SBF2: variants seen among roughly 807,000 people sequenced by gnomAD.
The protein encoded by SBF2 is myotubularin-related protein 13.
In SBF2, 112 loss-of-function variants were observed where a neutral mutation model predicts 225.2. The ratio of observed to expected loss-of-function variants is 0.50; its 90% CI spans 0.43 to 0.58. The LOEUF is 0.58. Ranked by LOEUF, SBF2 falls within the 20% of genes least tolerant of loss-of-function variation. The pLI is 0.00. For missense variants in SBF2, 1,996 were observed against 2,206.2 expected (o/e 0.90, Z 1.91); for synonymous variants, 763 against 773.3 (o/e 0.99, Z 0.22).
chr11:9,819,118 A>T (rs1009370472), intron 28 of SBF2: 7 of 152,250 alleles, frequency 4.6e-5, no homozygotes, highest in African/African-American at 1.7e-4. Context: ...CAGAATGCAG[A>T]TGAGAATAAA....
At chr11:10,301,863 ATG>A (rs1302157996) in intron 1 of SBF2, among the ~76,000 whole-genome samples, 3 of 152,256 alleles carry the variant, frequency 2.0e-5, no homozygotes, top group Non-Finnish European at 4.4e-5. Flanking sequence ...GCATATGTGT[ATG>A]TGTGTCTCCC....
intron 6 of SBF2, among the ~76,000 whole-genome samples, chr11:10,005,992 C>T (rs1003765035): frequency 6.6e-5 from 10 of 152,076 alleles, no homozygotes; most frequent in African/African-American, 2.4e-4. Context: ...CAATGGCTCT[C>T]CTAGACAAGA....
intron 2 of SBF2, among the ~76,000 whole-genome samples, chr11:10,096,974 T>C (rs575175067): frequency 3.0e-4 from 46 of 152,342 alleles, no homozygotes; most frequent in African/African-American, 1.1e-3. Context: ...TCAGTCACTA[T>C]GACTTTCTCT....
At chr11:10,183,197 C>T (rs1206111707) in intron 2 of SBF2, among the ~76,000 whole-genome samples, 1 of 152,108 alleles carries the variant, frequency 6.6e-6, no homozygotes, top group Non-Finnish European at 1.5e-5. Context: ...AAAAATAACA[C>T]CTGAGTAAAC....
chr11:10,276,662 T>C (rs1962980931), intron 1 of SBF2, among the ~76,000 whole-genome samples: 1 of 152,192 alleles, frequency 6.6e-6, no homozygotes, highest in African/African-American at 2.4e-5. Flanking sequence ...CATGGACAAA[T>C]TATTTTACCT....
intron 2 of SBF2, among the ~76,000 whole-genome samples, chr11:10,133,644 C>T (rs1262185278): frequency 1.3e-5 from 2 of 149,402 alleles, no homozygotes; most frequent in South Asian, 2.1e-4. Context: ...TCCAGCTGGC[C>T]CGCAAGTGCC....
chr11:10,073,625 G>A (rs61878584), intron 2 of SBF2, among the ~76,000 whole-genome samples: 26,117 of 152,104 alleles, frequency 0.17, 2,433 homozygotes, highest in East Asian at 0.29. Context: ...GCTGAGGCAT[G>A]AGAATTGCCT....
intron 16 of SBF2, among the ~76,000 whole-genome samples, chr11:9,950,422 T>C (rs1030744216): frequency 3.3e-5 from 5 of 152,136 alleles, no homozygotes; most frequent in African/African-American, 1.2e-4. Context: ...GAAATGAACA[T>C]GAAAAAGTTT....
intron 16 of SBF2, among the ~76,000 whole-genome samples, chr11:9,922,741 C>A (rs982474142): frequency 2.6e-5 from 4 of 152,090 alleles, no homozygotes; most frequent in Admixed American, 1.3e-4. Context: ...AGAATGAGCT[C>A]GTTTTTTTCT....
chr11:9,787,661 G>C lies in SBF2; in HGVS notation c.5010C>G (p.Asp1670Glu), dbSNP rs142672124. ...WQQLWERVTV[D>E]LKEEPRTDRS... ...GATCTGTTCTTGGTTCTTCTTTAAG[G>C]TCCACGGTTACCCTTTCCCACAGCT... The change falls in exon 36 of 40, where the codon GAC (aspartate) becomes GAG (glutamate). Residue 1670 changes from aspartate (D) to glutamate (E), a missense_variant. Transcript: ENST00000256190. 2.3e-5 allele frequency: 37 copies of C among 1,614,168 alleles called. No homozygotes were observed. In the African/African-American group the frequency reaches 2.8e-4, roughly 12 times the overall value.
At chr11:10,094,525 C>A (rs954639626) in intron 2 of SBF2, among the ~76,000 whole-genome samples, 4 of 77,230 alleles carry the variant, frequency 5.2e-5, no homozygotes, top group East Asian at 4.1e-4. Flanking sequence ...CAAATACACA[C>A]AGATTTTTTT....
At chr11:10,237,277 G>A (rs948044008) in intron 1 of SBF2, among the ~76,000 whole-genome samples, 4 of 152,154 alleles carry the variant, frequency 2.6e-5, no homozygotes, top group Admixed American at 2.6e-4. Context: ...AGCCTGGGAG[G>A]CAGAGGTTGC....
At position 9,829,446 on chromosome 11, in the gene SBF2, A is replaced by C; in HGVS notation, c.3703T>G (p.Leu1235Val). 1 of 1,613,626 alleles carries C rather than the reference A, an allele frequency of 6.2e-7. No homozygotes were observed. The highest frequency in any genetic ancestry group is 1.7e-5 in the Admixed American group (1 of 60,028). ...SSSSIEQEKY[L>V]QALLNAVSVH... Reference sequence around the variant, plus strand: ...GAAACAGCATTCAGTAAGGCTTGCAAGTATTTCTCTTGTTCTATGCTACTG... The same window carrying C: ...GAAACAGCATTCAGTAAGGCTTGCACGTATTTCTCTTGTTCTATGCTACTG... The change falls in exon 28 of 40, where the codon TTG becomes GTG. Residue 1235 changes from leucine (L) to valine (V), a missense_variant. By Grantham distance (32) the Leu-to-Val change is conservative (BLOSUM62 1). Transcript: ENST00000256190.
At chr11:10,030,458 T>C (rs1398940593) in intron 4 of SBF2, among the ~76,000 whole-genome samples, 1 of 152,234 alleles carries the variant, frequency 6.6e-6, no homozygotes, top group Non-Finnish European at 1.5e-5. Context: ...CATTGAAATC[T>C]TGACACTAAT....
At chr11:10,249,884 T>C (rs945295159) in intron 1 of SBF2, among the ~76,000 whole-genome samples, 1 of 150,290 alleles carries the variant, frequency 6.7e-6, no homozygotes, top group East Asian at 2.0e-4. Context: ...GGGGAGTCCA[T>C]AGCATTGGAA....
At chr11:10,238,202 A>T (rs1163712343) in intron 1 of SBF2, among the ~76,000 whole-genome samples, 1 of 152,122 alleles carries the variant, frequency 6.6e-6, no homozygotes, top group Non-Finnish European at 1.5e-5. Flanking sequence ...TGAGTCCAGG[A>T]GCTCGAGATC....
At chr11:9,939,134 C>T (rs191356167) in intron 16 of SBF2, among the ~76,000 whole-genome samples, 281 of 152,196 alleles carry the variant, frequency 1.8e-3, no homozygotes, top group African/African-American at 6.5e-3. Context: ...GTCTCACTGT[C>T]GCCTAGGCTG....
At chr11:9,844,640 C>A (rs1358381402) in intron 24 of SBF2, among the ~76,000 whole-genome samples, 2 of 151,984 alleles carry the variant, frequency 1.3e-5, no homozygotes, top group African/African-American at 2.4e-5. Flanking sequence ...AGGTACTAAA[C>A]TAAAAAAGGA....
chr11:9,842,703 A>T lies in SBF2; in HGVS notation c.3178T>A (p.Leu1060Ile), dbSNP rs755872658. ...AGKMTIGRQY[L>I]LKKKTGTIVE... The stretch of plus-strand genomic sequence containing the variant: ...ATTGTCCCTGTCTTCTTCTTCAGTA[A>T]ATATTGCCGCCCAATTGTCATTTTC... Residue 1060 changes from leucine to isoleucine, a missense_variant, in exon 25 of 40, where the codon TTA (leucine) becomes ATA (isoleucine). Physicochemically the swap from Leu to Ile is conservative, Grantham distance 5. Coordinates refer to ENST00000256190, the MANE Select transcript of SBF2 (RefSeq NM_030962.4). 1.4e-5 allele frequency: 23 copies of T among 1,613,968 alleles called. No homozygotes were observed. The highest frequency in any genetic ancestry group is 1.9e-5 in the Non-Finnish European group (22 of 1,179,998).
Sources: gnomAD v4.1 joint callset for allele counts (sites outside exome capture counted in the v4.1 genomes callset) on GRCh38, gnomAD v4.1.1 for gene constraint, MANE v1.5 for transcripts, NCBI Gene and HGNC (gene_info 2026-07-23, HGNC 2026-07-21) for gene names.